Variants in CSMD1 observed in about 807,000 individuals in gnomAD.
CSMD1 encodes the protein CUB and Sushi multiple domains 1.
In CSMD1, 213 loss-of-function variants were observed where a neutral mutation model predicts 417.5. That is an observed-to-expected ratio of 0.51 (90% CI 0.46 to 0.57). The LOEUF (loss-of-function observed/expected upper bound fraction) is 0.57, where lower values mean the gene tolerates loss of function less well. Ranked by LOEUF, CSMD1 falls within the 20% of genes least tolerant of loss-of-function variation. The pLI, the probability that CSMD1 is intolerant of heterozygous loss-of-function variation, is 0.00. For missense variants in CSMD1, 6,923 were observed against 4,529.7 expected (o/e 1.53, Z -15.17); for synonymous variants, 2,862 against 1,736.8 (o/e 1.65, Z -16.11).
chr8:4,175,506 A>G (rs1416913264), intron 3 of CSMD1, among the ~76,000 whole-genome samples: 2 of 152,192 alleles, frequency 1.3e-5, no homozygotes, highest in Non-Finnish European at 2.9e-5. Context: ...ACATTACACA[A>G]AGACAACTGA....
At chr8:4,037,614 G>GCTCTC (rs1797686825) in intron 3 of CSMD1, among the ~76,000 whole-genome samples, 1 of 56,954 alleles carries the variant, frequency 1.8e-5, no homozygotes, top group African/African-American at 1.1e-4. Context: ...ATGGACTTTA[G>GCTCTC]GTCTCTTATA....
At chr8:4,283,546 G>A (rs1001145376) in intron 3 of CSMD1, among the ~76,000 whole-genome samples, 5 of 152,086 alleles carry the variant, frequency 3.3e-5, no homozygotes, top group Admixed American at 6.6e-5. Flanking sequence ...TAGAACTCAA[G>A]TTATATATGT....
chr8:3,326,834 C>G (rs901353637), intron 23 of CSMD1, among the ~76,000 whole-genome samples: 1 of 152,022 alleles, frequency 6.6e-6, no homozygotes, highest in East Asian at 1.9e-4. Context: ...GTAAAAATGC[C>G]TTTTCAGGAT....
At position 3,396,282 on chromosome 8, in the gene CSMD1, C is replaced by A. The variant is rs1410820658; in HGVS notation, c.2505G>T (p.Gln835His). The stretch of plus-strand genomic sequence containing the variant: ...TGAAGTTCCCGGTGCTGATGAGGAA[C>A]TGGGGTGCCTGGGTGCCGTGGTACT... ...IGEYHGTQAP[Q>H]FLISTGNFMY... Residue 835 changes from glutamine (Q) to histidine (H), a missense_variant, in exon 17 of 70, where the codon CAG (glutamine) becomes CAT (histidine). Gln to His is a conservative substitution (Grantham distance 24). Coordinates refer to ENST00000635120, the MANE Select transcript of CSMD1 (RefSeq NM_033225.6). The A allele has an allele frequency of 1.9e-6, 3 of 1,600,066 alleles. No individual in the cohort carries two copies. Among genetic ancestry groups the A allele is most frequent in the Non-Finnish European group, 2.6e-6 (3 of 1,173,182 alleles).
At chr8:4,418,561 T>C (rs1797075856) in intron 3 of CSMD1, among the ~76,000 whole-genome samples, 1 of 152,214 alleles carries the variant, frequency 6.6e-6, no homozygotes, top group Non-Finnish European at 1.5e-5. Context: ...AAGCATTATC[T>C]ATTTTCTGAA....
intron 5 of CSMD1, among the ~76,000 whole-genome samples, chr8:3,984,628 A>T (rs1194720429): frequency 6.7e-6 from 1 of 149,118 alleles, no homozygotes; most frequent in East Asian, 2.0e-4. Flanking sequence ...GTTTCATTTG[A>T]ACAAAATGCC....
intron 25 of CSMD1, among the ~76,000 whole-genome samples, chr8:3,307,193 G>C (rs1329299699): frequency 6.6e-6 from 1 of 152,132 alleles, no homozygotes; most frequent in Non-Finnish European, 1.5e-5. Context: ...ACCTTAGCAA[G>C]TGTAATGTAA....
chr8:3,743,737 G>C (rs370563937), intron 6 of CSMD1, among the ~76,000 whole-genome samples: 1 of 152,192 alleles, frequency 6.6e-6, no homozygotes, highest in South Asian at 2.1e-4. Context: ...TTACTCCCAG[G>C]TGTTTCTGTT....
chr8:3,626,844 CAATA>C (rs1196919237), intron 7 of CSMD1, among the ~76,000 whole-genome samples: 2 of 148,796 alleles, frequency 1.3e-5, no homozygotes, highest in East Asian at 1.9e-4. Context: ...TAAATATATA[CAATA>C]AATAAGTGTA....
chr8:4,438,254 C>T (rs1485023800), intron 2 of CSMD1, among the ~76,000 whole-genome samples: 1 of 152,160 alleles, frequency 6.6e-6, no homozygotes, highest in African/African-American at 2.4e-5. Context: ...TTTTAGAGTG[C>T]AGTTCTTTAA....
chr8:3,042,582 C>T (rs2128984525), intron 50 of CSMD1, among the ~76,000 whole-genome samples: 1 of 152,166 alleles, frequency 6.6e-6, no homozygotes, highest in Non-Finnish European at 1.5e-5. Context: ...CATGGGTAAC[C>T]CTGTGGATGA....
At chr8:2,975,346 T>A (rs1187520302) in intron 55 of CSMD1, among the ~76,000 whole-genome samples, 2 of 152,186 alleles carry the variant, frequency 1.3e-5, no homozygotes, top group African/African-American at 4.8e-5. Context: ...TACTGTACAG[T>A]ATCAAATGAG....
chr8:3,182,394 T>C (rs1821392197), intron 36 of CSMD1, among the ~76,000 whole-genome samples: 1 of 152,140 alleles, frequency 6.6e-6, no homozygotes, highest in South Asian at 2.1e-4. Flanking sequence ...TTTGTATTTT[T>C]AGTAGAGACG....
intron 3 of CSMD1, among the ~76,000 whole-genome samples, chr8:4,122,544 G>A (rs1338618069): frequency 6.6e-6 from 1 of 152,152 alleles, no homozygotes; most frequent in African/African-American, 2.4e-5. Flanking sequence ...ATACCTGCCA[G>A]TCACCCCGTG....
At chr8:4,266,066 T>C (rs1360019749) in intron 3 of CSMD1, among the ~76,000 whole-genome samples, 1 of 103,788 alleles carries the variant, frequency 9.6e-6, no homozygotes, top group African/African-American at 2.6e-5. Context: ...ACTGATCACC[T>C]GCCCACCGCA....
intron 7 of CSMD1, among the ~76,000 whole-genome samples, chr8:3,680,445 G>A (rs373311663): frequency 6.6e-6 from 1 of 152,256 alleles, no homozygotes; most frequent in Non-Finnish European, 1.5e-5. Flanking sequence ...ACAAGAAACA[G>A]AGAAATTCCT....
intron 26 of CSMD1, among the ~76,000 whole-genome samples, chr8:3,275,644 C>G (rs1326344063): frequency 2.6e-5 from 4 of 152,088 alleles, no homozygotes; most frequent in Admixed American, 2.6e-4. Flanking sequence ...ATTCTTTTTT[C>G]TCTAAACTTC....
intron 1 of CSMD1, chr8:4,788,033 G>A (rs1329150850): frequency 6.3e-7 from 1 of 1,589,582 alleles, no homozygotes; most frequent in Non-Finnish European, 8.6e-7. Flanking sequence ...CTCCTGAAGG[G>A]CTCCAAATGG....
chr8:3,143,400 T>C (rs192527590), intron 40 of CSMD1, among the ~76,000 whole-genome samples: 20 of 152,194 alleles, frequency 1.3e-4, no homozygotes, highest in African/African-American at 4.6e-4. Flanking sequence ...CCTGGCACAG[T>C]TGAGAATACC....
Sources: allele counts gnomAD v4.1 joint callset (sites outside exome capture counted in the v4.1 genomes callset), GRCh38; gene constraint gnomAD v4.1.1; transcripts MANE v1.5; gene names NCBI Gene and HGNC (gene_info 2026-07-23, HGNC 2026-07-21).